LRFN5: variants seen among roughly 807,000 people sequenced by gnomAD.
LRFN5 encodes leucine rich repeat and fibronectin type III domain containing 5, also known as leucine-rich repeat and fibronectin type-III domain-containing protein 5.
Under a neutral mutation model 45.6 loss-of-function variants are expected in LRFN5, and 24 were observed. The ratio of observed to expected loss-of-function variants is 0.53; its 90% CI spans 0.38 to 0.74. LRFN5 has a LOEUF of 0.74. Ranked by LOEUF, LRFN5 falls within the 30% of genes least tolerant of loss-of-function variation. The pLI is 0.00. For missense variants in LRFN5, 776 were observed against 861.5 expected (o/e 0.90, Z 1.24); for synonymous variants, 340 against 313.8 (o/e 1.08, Z -0.88).
intron 1 of LRFN5, among the ~76,000 whole-genome samples, chr14:41,621,579 T>G (rs1431830406): frequency 6.6e-6 from 1 of 151,968 alleles, no homozygotes; most frequent in African/African-American, 2.4e-5. Context: ...CTTGTTGGAG[T>G]TCAGGTTCTG....
At chr14:41,784,094 C>T (rs1886632932) in intron 2 of LRFN5, among the ~76,000 whole-genome samples, 1 of 152,008 alleles carries the variant, frequency 6.6e-6, no homozygotes, top group South Asian at 2.1e-4. Flanking sequence ...ACTTACCATT[C>T]TATTAACGAC....
intron 2 of LRFN5, among the ~76,000 whole-genome samples, chr14:41,771,161 C>A (rs1174219880): frequency 6.6e-6 from 1 of 150,736 alleles, no homozygotes; most frequent in Non-Finnish European, 1.5e-5. Context: ...GGCCCTAGGC[C>A]TGGCCCCTGA....
chr14:41,853,588 A>T (rs576700908), intron 2 of LRFN5, among the ~76,000 whole-genome samples: 2 of 152,192 alleles, frequency 1.3e-5, no homozygotes, highest in East Asian at 3.9e-4. Context: ...TCCATTTTGG[A>T]TATATTATAT....
intron 2 of LRFN5, among the ~76,000 whole-genome samples, chr14:41,870,749 T>TA (rs1889991716): frequency 6.6e-6 from 1 of 152,208 alleles, no homozygotes; most frequent in Non-Finnish European, 1.5e-5. Context: ...TGCCTTTTTT[T>TA]ACTGACATTT....
At chr14:41,850,464 A>T (rs1396378275) in intron 2 of LRFN5, among the ~76,000 whole-genome samples, 1 of 151,890 alleles carries the variant, frequency 6.6e-6, no homozygotes, top group Non-Finnish European at 1.5e-5. Flanking sequence ...AACACCCAAT[A>T]TTGAGGCCTC....
chr14:41,706,889 C>T (rs1246889754), intron 1 of LRFN5, among the ~76,000 whole-genome samples: 1 of 152,072 alleles, frequency 6.6e-6, no homozygotes, highest in Admixed American at 6.6e-5. Flanking sequence ...CTACTATAAC[C>T]TGGGTCCTGG....
intron 1 of LRFN5, among the ~76,000 whole-genome samples, chr14:41,674,432 T>C (rs1881472749): frequency 9.4e-6 from 1 of 106,126 alleles, no homozygotes; most frequent in African/African-American, 3.6e-5. Flanking sequence ...GAGGAGCTCC[T>C]CACTTCCCAG....
At chr14:41,857,989 G>A (rs1477677379) in intron 2 of LRFN5, among the ~76,000 whole-genome samples, 1 of 152,140 alleles carries the variant, frequency 6.6e-6, no homozygotes, top group Non-Finnish European at 1.5e-5. Context: ...AATGTTGAAA[G>A]ATAAGGGGAA....
At chr14:41,752,273 T>C (rs1270818854) in intron 1 of LRFN5, among the ~76,000 whole-genome samples, 1 of 152,212 alleles carries the variant, frequency 6.6e-6, no homozygotes, top group Non-Finnish European at 1.5e-5. Flanking sequence ...CCTTTGAGTA[T>C]ATATCCAGTA....
chr14:41,747,667 A>C (rs1380986801), intron 1 of LRFN5, among the ~76,000 whole-genome samples: 1 of 152,044 alleles, frequency 6.6e-6, no homozygotes, highest in African/African-American at 2.4e-5. Flanking sequence ...AAATAGACAA[A>C]TTGGAATCAT....
chr14:41,866,706 G>A (rs1392556478), intron 2 of LRFN5, among the ~76,000 whole-genome samples: 1 of 152,052 alleles, frequency 6.6e-6, no homozygotes, highest in Non-Finnish European at 1.5e-5. Context: ...ATGTAGAACA[G>A]CCAAACAGGC....
intron 2 of LRFN5, among the ~76,000 whole-genome samples, chr14:41,874,346 T>A (rs1218711145): frequency 6.6e-6 from 1 of 152,202 alleles, no homozygotes. Flanking sequence ...TAATCAATGA[T>A]GTAGAACTCA....
chr14:41,774,919 A>G (rs1886221623), intron 2 of LRFN5, among the ~76,000 whole-genome samples: 1 of 152,008 alleles, frequency 6.6e-6, no homozygotes, highest in East Asian at 1.9e-4. Context: ...GTGATCTTGC[A>G]GGGGGGTAGC....
intron 1 of LRFN5, among the ~76,000 whole-genome samples, chr14:41,625,542 C>G (rs1352366300): frequency 6.6e-6 from 1 of 152,108 alleles, no homozygotes; most frequent in East Asian, 1.9e-4. Flanking sequence ...TGGATGAATA[C>G]AAACATTATT....
At position 41,830,988 on chromosome 14, in the gene LRFN5, T is replaced by C. The variant is rs187059528; in HGVS notation, c.-20-55618T>C. Among the ~76,000 whole-genome samples, 28 of 152,322 alleles carry C rather than the reference T, an allele frequency of 1.8e-4. No homozygotes were observed. The East Asian group carries it at 5.4e-3, about 29-fold the overall frequency. On this transcript the variant is annotated intron_variant, in intron 2 of 5. Coordinates refer to ENST00000298119, the MANE Select transcript of LRFN5 (RefSeq NM_152447.5). ...ATCTTTAGGCAACCACTGTTTATAC[T>C]AGAAATTCTGGGAAACATTGCTCCA... is the stretch of plus-strand genomic sequence containing the variant.
chr14:41,687,674 C>G (rs1436554642), intron 1 of LRFN5, among the ~76,000 whole-genome samples: 6 of 152,200 alleles, frequency 3.9e-5, no homozygotes, highest in Admixed American at 3.9e-4. Context: ...GCAATGAGAT[C>G]ATGTCCTTTG....
chr14:41,828,715 T>A (rs550193568), intron 2 of LRFN5, among the ~76,000 whole-genome samples: 1 of 152,010 alleles, frequency 6.6e-6, no homozygotes, highest in Non-Finnish European at 1.5e-5. Flanking sequence ...CAAGCTTCTA[T>A]TGTCAACACT....
chr14:41,883,974 CT>C (rs1296665499), intron 2 of LRFN5, among the ~76,000 whole-genome samples: 1 of 152,062 alleles, frequency 6.6e-6, no homozygotes, highest in Non-Finnish European at 1.5e-5. Context: ...CCTTTCATCC[CT>C]TTTTATCAGT....
At chr14:41,674,572 T>C (rs1301848227) in intron 1 of LRFN5, among the ~76,000 whole-genome samples, 2 of 142,224 alleles carry the variant, frequency 1.4e-5, no homozygotes, top group Non-Finnish European at 3.1e-5. Flanking sequence ...CCCACCTCTC[T>C]CCAGGACGGG....
Sources: allele counts gnomAD v4.1 joint callset (sites outside exome capture counted in the v4.1 genomes callset), GRCh38; gene constraint gnomAD v4.1.1; transcripts MANE v1.5; gene names NCBI Gene and HGNC (gene_info 2026-07-23, HGNC 2026-07-21).